Variants in PLCB1 observed in about 807,000 individuals in gnomAD.
PLCB1 encodes the protein phospholipase C beta 1, also known as 1-phosphatidylinositol 4,5-bisphosphate phosphodiesterase beta-1.
PLCB1 carries 46 observed loss-of-function variants against 161.8 expected under a neutral mutation model. The observed-to-expected ratio is 0.28, with a 90% confidence interval of 0.22 to 0.36. The LOEUF is 0.36. Ranked by LOEUF, PLCB1 falls within the 10% of genes least tolerant of loss-of-function variation. PLCB1 has a pLI of 1.00. For missense variants in PLCB1, 1,016 were observed against 1,472.5 expected (o/e 0.69, Z 5.07); for synonymous variants, 517 against 503.7 (o/e 1.03, Z -0.35).
At chr20:8,472,820 C>T (rs938594877) in intron 3 of PLCB1, among the ~76,000 whole-genome samples, 2 of 152,126 alleles carry the variant, frequency 1.3e-5, no homozygotes, top group Admixed American at 1.3e-4. Flanking sequence ...ACAGTTCTTC[C>T]TGGGGCTAGT....
chr20:8,405,909 C>G (rs1978767187), intron 3 of PLCB1, among the ~76,000 whole-genome samples: 1 of 152,064 alleles, frequency 6.6e-6, no homozygotes, highest in African/African-American at 2.4e-5. Context: ...ACATCTCTGC[C>G]CAAATCTGTG....
chr20:8,758,415 C>G (rs1981849548), intron 24 of PLCB1, among the ~76,000 whole-genome samples: 1 of 151,732 alleles, frequency 6.6e-6, no homozygotes, highest in Non-Finnish European at 1.5e-5. Context: ...ACCCCCATCG[C>G]TACTAAAAAT....
At chr20:8,529,519 T>A (rs1984714747) in intron 3 of PLCB1, among the ~76,000 whole-genome samples, 1 of 152,098 alleles carries the variant, frequency 6.6e-6, no homozygotes. Flanking sequence ...TTATTGACAT[T>A]CAACTAGTTA....
At chr20:8,298,670 GT>G (rs1453713571) in intron 2 of PLCB1, among the ~76,000 whole-genome samples, 1 of 145,908 alleles carries the variant, frequency 6.9e-6, no homozygotes, top group African/African-American at 2.5e-5. Context: ...ATCTTGTTTT[GT>G]TTTTGGTTTT....
intron 2 of PLCB1, among the ~76,000 whole-genome samples, chr20:8,185,179 A>G (rs2051889958): frequency 6.6e-6 from 1 of 152,088 alleles, no homozygotes; most frequent in South Asian, 2.1e-4. Context: ...TGCTGGGAGG[A>G]GTGTAGTTTA....
chr20:8,822,439 TAA>T (rs939637461), intron 31 of PLCB1, among the ~76,000 whole-genome samples: 1 of 152,054 alleles, frequency 6.6e-6, no homozygotes, highest in African/African-American at 2.4e-5. Context: ...AAGATCAGAG[TAA>T]AATCAGGAAC....
rs71331317 is a variant in PLCB1, at chr20:8,614,584, C to CTGTGTGTGTG, written c.247-13676_247-13667dup. Among the ~76,000 whole-genome samples, 181 of 147,238 alleles carry CTGTGTGTGTG rather than the reference C, an allele frequency of 1.2e-3. 1 individual carries two copies. Among genetic ancestry groups the CTGTGTGTGTG allele is most frequent in the Middle Eastern group, 3.4e-3 (1 of 290 alleles). On this transcript the variant is annotated intron_variant, in intron 3 of 31. Coordinates refer to ENST00000338037, the MANE Select transcript of PLCB1 (RefSeq NM_015192.4). ...ACTTTGATTCTAGTTATGTAAAATT[C>CTGTGTGTGTG]TGTGTGTGTGTGTGTGTGTGTGTGT...
chr20:8,781,548 G>C (rs6086591), intron 27 of PLCB1, among the ~76,000 whole-genome samples: 1 of 151,690 alleles, frequency 6.6e-6, no homozygotes, highest in Admixed American at 6.6e-5. Context: ...TCATGGCTTC[G>C]TATTACTTTA....
At chr20:8,869,036 T>G (rs1987523935) in intron 31 of PLCB1, among the ~76,000 whole-genome samples, 1 of 152,202 alleles carries the variant, frequency 6.6e-6, no homozygotes, top group African/African-American at 2.4e-5. Flanking sequence ...TGATGAACAA[T>G]GTGCTGAATG....
chr20:8,490,875 T>TATAC (rs1309717306), intron 3 of PLCB1, among the ~76,000 whole-genome samples: 1 of 144,732 alleles, frequency 6.9e-6, no homozygotes, highest in Non-Finnish European at 1.6e-5. Context: ...TATATATATA[T>TATAC]ATGTACACAT....
chr20:8,241,604 G>T (rs1351451314), intron 2 of PLCB1, among the ~76,000 whole-genome samples: 3 of 151,878 alleles, frequency 2.0e-5, no homozygotes, highest in African/African-American at 7.2e-5. Context: ...GCATTTTTAT[G>T]TATGTTATCT....
chr20:8,771,204 A>G (rs1982660545), intron 26 of PLCB1, among the ~76,000 whole-genome samples: 1 of 152,222 alleles, frequency 6.6e-6, no homozygotes, highest in Non-Finnish European at 1.5e-5. Context: ...AAAAGAATGT[A>G]AAATAGCTAC....
At chr20:8,171,996 AT>A (rs200693195) in intron 2 of PLCB1, among the ~76,000 whole-genome samples, 1 of 151,524 alleles carries the variant, frequency 6.6e-6, no homozygotes, top group African/African-American at 2.4e-5. Context: ...GTTCTAGTGC[AT>A]TTTTTTTCAG....
At chr20:8,218,992 T>C (rs1274810741) in intron 2 of PLCB1, among the ~76,000 whole-genome samples, 1 of 152,168 alleles carries the variant, frequency 6.6e-6, no homozygotes, top group East Asian at 1.9e-4. Context: ...GACTGCCTTC[T>C]AAATTGAGGG....
intron 2 of PLCB1, among the ~76,000 whole-genome samples, chr20:8,277,672 G>A (rs573152364): frequency 5.4e-4 from 82 of 152,166 alleles, no homozygotes; most frequent in African/African-American, 1.9e-3. Flanking sequence ...TAATATTACA[G>A]AACTAATATA....
At chr20:8,490,667 A>G (rs1568696660) in intron 3 of PLCB1, among the ~76,000 whole-genome samples, 2 of 152,144 alleles carry the variant, frequency 1.3e-5, no homozygotes, top group African/African-American at 4.8e-5. Flanking sequence ...AGTCATTCTA[A>G]TACATGGGTA....
At chr20:8,498,336 C>G (rs1183786422) in intron 3 of PLCB1, among the ~76,000 whole-genome samples, 4 of 151,954 alleles carry the variant, frequency 2.6e-5, no homozygotes, top group African/African-American at 7.3e-5. Context: ...ACCTCATGAT[C>G]TGCCTGCCTC....
intron 27 of PLCB1, among the ~76,000 whole-genome samples, chr20:8,781,573 CTTAA>C (rs1044207749): frequency 1.4e-4 from 21 of 152,122 alleles, no homozygotes; most frequent in Non-Finnish European, 2.9e-4. Flanking sequence ...ATGAATGTAG[CTTAA>C]TTTATTTATC....
At chr20:8,749,268 A>C (rs1981330604) in intron 23 of PLCB1, among the ~76,000 whole-genome samples, 2 of 152,204 alleles carry the variant, frequency 1.3e-5, no homozygotes, top group Non-Finnish European at 2.9e-5. Context: ...TGGGGACCAC[A>C]CATTAAAAAC....
Sources: allele counts gnomAD v4.1 joint callset (sites outside exome capture counted in the v4.1 genomes callset), GRCh38; gene constraint gnomAD v4.1.1; transcripts MANE v1.5; gene names NCBI Gene and HGNC (gene_info 2026-07-23, HGNC 2026-07-21).